The following ULK4 variants were observed in gnomAD, a reference collection of about 807,000 sequenced individuals.
ULK4 encodes unc-51 like kinase 4.
Under a neutral mutation model 160.6 loss-of-function variants are expected in ULK4, and 133 were observed. The observed-to-expected ratio is 0.83, with a 90% CI of 0.72 to 0.96. The LOEUF is 0.96. ULK4 is among the 40% of genes least tolerant of loss of function. ULK4 has a pLI of 0.00. For synonymous variants in ULK4, 534 were observed against 539.8 expected (o/e 0.99, Z 0.15); for missense variants, 1,580 against 1,499.5 (o/e 1.05, Z -0.89).
At chr3:41,531,130 T>C (rs146291591) in intron 32 of ULK4, among the ~76,000 whole-genome samples, 12 of 149,790 alleles carry the variant, frequency 8.0e-5, no homozygotes, top group African/African-American at 2.4e-4. Context: ...ATAGTTATGA[T>C]ACACAGTAGT....
intron 17 of ULK4, among the ~76,000 whole-genome samples, chr3:41,870,119 T>G (rs904969984): frequency 6.6e-6 from 1 of 152,210 alleles, no homozygotes; most frequent in Non-Finnish European, 1.5e-5. Context: ...TTTCTCTAAT[T>G]GCTTTTAGGA....
At chr3:41,747,859 G>A (rs563257893) in intron 22 of ULK4, among the ~76,000 whole-genome samples, 16 of 152,170 alleles carry the variant, frequency 1.1e-4, no homozygotes, top group South Asian at 2.1e-4. Context: ...ATCTGTAGCC[G>A]ATGAAACTGT....
intron 16 of ULK4, among the ~76,000 whole-genome samples, chr3:41,890,039 T>C (rs867583425): frequency 2.0e-5 from 3 of 152,120 alleles, no homozygotes; most frequent in Admixed American, 6.5e-5. Flanking sequence ...TTATATGAAA[T>C]ATCAAAAATA....
At chr3:41,351,869 C>G (rs2080915963) in intron 35 of ULK4, among the ~76,000 whole-genome samples, 1 of 152,200 alleles carries the variant, frequency 6.6e-6, no homozygotes, top group Non-Finnish European at 1.5e-5. Flanking sequence ...TCTAGGTCAT[C>G]TGCTTCTAGG....
chr3:41,249,651 G>T, intron 35 of ULK4, 77 bp from the exon 36 acceptor site: 1 of 1,445,968 alleles, frequency 6.9e-7, no homozygotes, highest in Non-Finnish European at 9.5e-7. Flanking sequence ...GGCACCCTGA[G>T]TATCAGGCCT....
intron 27 of ULK4, among the ~76,000 whole-genome samples, chr3:41,684,765 A>G (rs1342015445): frequency 6.6e-6 from 1 of 152,226 alleles, no homozygotes; most frequent in East Asian, 1.9e-4. Context: ...AAAAATTACC[A>G]TCTGAGCCTT....
Position 41,735,971 on chromosome 3 carries a change from T to C in ULK4, c.2322-18110A>G, listed in dbSNP as rs543369281. On this transcript the variant is annotated intron_variant, in intron 22 of 36. Transcript: ENST00000301831. ...GTTTTTTGTCCTTGCGATAGTTTGC[T>C]GAGAATGATGGTTTCCAGCTTCATC... Among the ~76,000 whole-genome samples, 1,022 of 151,254 alleles carry C rather than the reference T, an allele frequency of 6.8e-3. 8 individuals carry two copies. The highest frequency in any genetic ancestry group is 0.024 in the African/African-American group (987 of 41,176).
At chr3:41,960,366 TTTC>T (rs962867508) in intron 1 of ULK4, among the ~76,000 whole-genome samples, 6 of 142,242 alleles carry the variant, frequency 4.2e-5, no homozygotes, top group African/African-American at 1.1e-4. Context: ...ATCAAATGAT[TTTC>T]TTTTTTTTTT....
chr3:41,813,865 T>A (rs2040884215), intron 19 of ULK4, among the ~76,000 whole-genome samples: 1 of 152,218 alleles, frequency 6.6e-6, no homozygotes, highest in Admixed American at 6.5e-5. Context: ...TCACTATGAA[T>A]CTAATACTTC....
In ULK4 at chr3:41,246,662, C is replaced by A. The variant is rs1270478191; in HGVS notation, c.*267G>T. 4.6e-6 allele frequency: 2 copies of A among 434,352 alleles called. No individual in the cohort carries two copies. The highest frequency in any genetic ancestry group is 8.4e-6 in the Non-Finnish European group (2 of 238,100). 26.9% of individuals were successfully genotyped at this position (434,352 alleles called of 1,614,324 possible). On this transcript the variant is annotated 3_prime_UTR_variant, in exon 37 of 37. Transcript: ENST00000301831. ...CTAACCTTAGCCCACCTGGCCCACA[C>A]AGAGAGGGAAAGAACATTTCTGAGA...
At chr3:41,490,305 A>C in intron 32 of ULK4, among the ~76,000 whole-genome samples, 1 of 152,142 alleles carries the variant, frequency 6.6e-6, no homozygotes, top group Admixed American at 6.6e-5. Flanking sequence ...ACCCAGTCTG[A>C]GTTCAGCCCA....
At chr3:41,491,708 T>A (rs976965903) in intron 32 of ULK4, among the ~76,000 whole-genome samples, 71 of 152,058 alleles carry the variant, frequency 4.7e-4, no homozygotes, top group Admixed American at 4.0e-3. Context: ...TATTTTTTTT[T>A]ATTCATTTGC....
At chr3:41,570,794 C>G (rs1454152061) in intron 31 of ULK4, among the ~76,000 whole-genome samples, 1 of 152,110 alleles carries the variant, frequency 6.6e-6, no homozygotes. Context: ...GCTAAGAACA[C>G]AGAATCAGAT....
At chr3:41,916,941 C>T (rs1559648705) in intron 7 of ULK4, among the ~76,000 whole-genome samples, 1 of 152,096 alleles carries the variant, frequency 6.6e-6, no homozygotes, top group East Asian at 1.9e-4. Flanking sequence ...CTCTTGACCT[C>T]AGGTGATCCA....
chr3:41,269,740 A>C (rs1469678769), intron 35 of ULK4, among the ~76,000 whole-genome samples: 1 of 152,232 alleles, frequency 6.6e-6, no homozygotes, highest in African/African-American at 2.4e-5. Flanking sequence ...AATAGTACAA[A>C]CTTAAAGTTA....
intron 17 of ULK4, among the ~76,000 whole-genome samples, chr3:41,838,458 T>C (rs569027736): frequency 6.9e-4 from 105 of 151,976 alleles, no homozygotes; most frequent in African/African-American, 2.3e-3. Context: ...ATGTATATAA[T>C]ACATACAGCA....
intron 21 of ULK4, among the ~76,000 whole-genome samples, chr3:41,787,922 A>G (rs1193384158): frequency 6.6e-6 from 1 of 151,468 alleles, no homozygotes; most frequent in African/African-American, 2.5e-5. Context: ...AAACTTAATC[A>G]ATCCATGCCT....
At chr3:41,277,450 G>A (rs912735842) in intron 35 of ULK4, among the ~76,000 whole-genome samples, 6 of 152,128 alleles carry the variant, frequency 3.9e-5, no homozygotes, top group African/African-American at 1.4e-4. Context: ...CTTAACATAT[G>A]CAAGTCAATA....
chr3:41,728,271 A>G (rs2037715991), intron 22 of ULK4, among the ~76,000 whole-genome samples: 1 of 152,176 alleles, frequency 6.6e-6, no homozygotes, highest in Admixed American at 6.5e-5. Context: ...TTGGCTCATG[A>G]TTCTGATTTC....
Sources: allele counts gnomAD v4.1 joint callset (sites outside exome capture counted in the v4.1 genomes callset), GRCh38; gene constraint gnomAD v4.1.1; transcripts MANE v1.5; gene names NCBI Gene and HGNC (gene_info 2026-07-23, HGNC 2026-07-21).